Variants in SOHLH2 observed in about 807,000 individuals in gnomAD.
SOHLH2 encodes spermatogenesis- and oogenesis-specific basic helix-loop-helix-containing protein 2.
A neutral mutation model predicts 50.4 loss-of-function variants in SOHLH2; 22 were observed. That is an observed-to-expected ratio of 0.44 (90% CI 0.31 to 0.62). SOHLH2 has a LOEUF of 0.62. Among genes scored for constraint, SOHLH2 ranks in the 20% least tolerant of loss-of-function variants. The pLI is 0.08. For missense variants in SOHLH2, 412 were observed against 504.4 expected (o/e 0.82, Z 1.76); for synonymous variants, 185 against 187.3 (o/e 0.99, Z 0.10).
chr13:36,195,843 G>C (rs1887708078), intron 2 of SOHLH2, among the ~76,000 whole-genome samples: 1 of 152,144 alleles, frequency 6.6e-6, no homozygotes, highest in African/African-American at 2.4e-5. Context: ...TAGGCTGAGA[G>C]AGAGGAAAGG....
chr13:36,174,601 C>A (rs147965627), intron 7 of SOHLH2, 34 bp from the exon 8 acceptor site: 2 of 1,610,908 alleles, frequency 1.2e-6, no homozygotes, highest in African/African-American at 1.3e-5. Flanking sequence ...AGGTAGATAC[C>A]GACATTTTTA....
chr13:36,185,512 A>G (rs1307111519), intron 6 of SOHLH2, among the ~76,000 whole-genome samples: 1 of 152,098 alleles, frequency 6.6e-6, no homozygotes, highest in East Asian at 1.9e-4. Context: ...CAAAGTATAG[A>G]AAGACAAAGA....
chr13:36,209,935 G>C (rs1485370215), intron 1 of SOHLH2, among the ~76,000 whole-genome samples: 1 of 152,178 alleles, frequency 6.6e-6, no homozygotes, highest in East Asian at 1.9e-4. Flanking sequence ...GAAAGCAAAG[G>C]CTGGAGAGCA....
intron 6 of SOHLH2, among the ~76,000 whole-genome samples, chr13:36,187,909 A>G (rs1383878691): frequency 1.3e-5 from 2 of 151,900 alleles, no homozygotes; most frequent in Admixed American, 1.3e-4. Flanking sequence ...ATCTGGGTAG[A>G]CCCTGTGATG....
intron 1 of SOHLH2, 139 bp from the exon 2 acceptor site, chr13:36,202,232 T>A (rs1392792351): frequency 9.4e-7 from 1 of 1,065,216 alleles, no homozygotes; most frequent in Non-Finnish European, 1.3e-6. Flanking sequence ...GGCTAGATGG[T>A]CAACTATAAG....
chr13:36,187,434 T>C (rs1887452382), intron 6 of SOHLH2, among the ~76,000 whole-genome samples: 1 of 152,186 alleles, frequency 6.6e-6, no homozygotes, highest in Non-Finnish European at 1.5e-5. Context: ...CTTTAAAAAA[T>C]ACTCAGTGCA....
chr13:36,200,605 T>C (rs987160689), intron 2 of SOHLH2, among the ~76,000 whole-genome samples: 3 of 152,178 alleles, frequency 2.0e-5, no homozygotes, highest in Non-Finnish European at 4.4e-5. Context: ...TCCAATATAA[T>C]TGACAATTCC....
At chr13:36,188,541 A>C (rs943821126) in intron 6 of SOHLH2, among the ~76,000 whole-genome samples, 2 of 152,180 alleles carry the variant, frequency 1.3e-5, no homozygotes, top group Non-Finnish European at 2.9e-5. Flanking sequence ...ATTTTTGCCA[A>C]GATCAATGAC....
At chr13:36,201,441 A>G (rs1374974987) in intron 2 of SOHLH2, among the ~76,000 whole-genome samples, 1 of 151,852 alleles carries the variant, frequency 6.6e-6, no homozygotes, top group African/African-American at 2.4e-5. Context: ...AATAAAAACA[A>G]CATGTACATA....
intron 1 of SOHLH2, among the ~76,000 whole-genome samples, chr13:36,209,605 T>C (rs112418422): frequency 6.6e-6 from 1 of 152,190 alleles, no homozygotes; most frequent in Non-Finnish European, 1.5e-5. Context: ...TCCTCCCTTA[T>C]GACCTAATCA....
chr13:36,209,999 C>A (rs1235461730), intron 1 of SOHLH2, among the ~76,000 whole-genome samples: 1 of 60,132 alleles, frequency 1.7e-5, no homozygotes, highest in Non-Finnish European at 3.4e-5. Context: ...ACTCTGAAGA[C>A]CAAGTATGTT....
intron 6 of SOHLH2, among the ~76,000 whole-genome samples, chr13:36,187,763 C>T (rs896748448): frequency 2.6e-5 from 4 of 152,212 alleles, no homozygotes; most frequent in Admixed American, 6.5e-5. Context: ...TTCTTCCACC[C>T]GGTTCTGGAT....
At position 36,189,971 on chromosome 13, in the gene SOHLH2, GAAGAA is replaced by G. The variant is rs1220788599; in HGVS notation, c.611_615del (p.Leu204ProfsTer17). 1.3e-6 allele frequency: 2 copies of G among 1,598,432 alleles called. No individual in the cohort carries two copies. Among genetic ancestry groups the G allele is most frequent in the African/African-American group, 2.7e-5 (2 of 74,676 alleles). ...CTTCTTAGTTTTTCCTTGCTTGAAT[GAAGAA>G]GAGAGATCTTTTTGTTTTTCTCGAA... is the stretch of plus-strand genomic sequence containing the variant. On this transcript the variant is annotated frameshift_variant, in exon 6 of 11. Transcript: ENST00000379881. LOFTEE classifies it high-confidence loss of function.
Position 36,174,806 on chromosome 13 carries a change from C to CTTTCTCCCTTTTACA in SOHLH2, c.690_704dup (p.Arg234_Lys235insAsnValLysGlyArg). The CTTTCTCCCTTTTACA allele has an allele frequency of 6.2e-7, 1 of 1,610,996 alleles. No homozygotes were observed. Among genetic ancestry groups the CTTTCTCCCTTTTACA allele is most frequent in the Non-Finnish European group, 8.5e-7 (1 of 1,179,268 alleles). On this transcript the variant is annotated inframe_insertion, in exon 7 of 11. Coordinates refer to ENST00000379881, the MANE Select transcript of SOHLH2 (RefSeq NM_017826.3). ...CCTCAAGAACTGAAGCCGCATCATT[C>CTTTCTCCCTTTTACA]TTTCTCCCTTTTACATACGGCAAGA...
At chr13:36,210,451 T>A (rs1869048739) in intron 1 of SOHLH2, among the ~76,000 whole-genome samples, 1 of 151,358 alleles carries the variant, frequency 6.6e-6, no homozygotes, top group Admixed American at 6.6e-5. Flanking sequence ...TTTTTTTTTT[T>A]AACGTTCAGA....
chr13:36,177,019 A>C (rs930790965), intron 6 of SOHLH2, among the ~76,000 whole-genome samples: 1 of 152,098 alleles, frequency 6.6e-6, no homozygotes, highest in African/African-American at 2.4e-5. Context: ...CTAATCACAC[A>C]TGAAAATCCA....
intron 3 of SOHLH2, 38 bp downstream of exon 3, chr13:36,193,768 T>C (rs781133283): frequency 6.2e-7 from 1 of 1,602,146 alleles, no homozygotes; most frequent in South Asian, 1.1e-5. Flanking sequence ...AGTTTCTATT[T>C]AGAGAAAAAA....
chr13:36,170,814 G>T (rs529508487), intron 9 of SOHLH2, 27 bp from the exon 10 acceptor site: 4 of 1,602,884 alleles, frequency 2.5e-6, no homozygotes, highest in African/African-American at 1.3e-5. Context: ...AACAAATATG[G>T]GTCAGTATCC....
intron 1 of SOHLH2, among the ~76,000 whole-genome samples, chr13:36,202,877 T>C (rs1323760323): frequency 6.6e-6 from 1 of 152,168 alleles, no homozygotes; most frequent in Non-Finnish European, 1.5e-5. Context: ...GAAATACTTG[T>C]ACAAAGAGAA....
Sources: allele counts gnomAD v4.1 joint callset (sites outside exome capture counted in the v4.1 genomes callset), GRCh38; gene constraint gnomAD v4.1.1; transcripts MANE v1.5; gene names NCBI Gene and HGNC (gene_info 2026-07-23, HGNC 2026-07-21).